The following CCDC178 variants were observed in gnomAD, a reference collection of about 807,000 sequenced individuals.
CCDC178 encodes the protein coiled-coil domain-containing protein 178.
In CCDC178, 126 loss-of-function variants were observed where a neutral mutation model predicts 117.4. That is an observed-to-expected ratio of 1.07 (90% CI 0.93 to 1.24). The LOEUF is 1.24. CCDC178 is among the 50% of genes most tolerant of loss of function. The pLI is 0.00. For missense variants in CCDC178, 1,030 were observed against 986.9 expected (o/e 1.04, Z -0.59); for synonymous variants, 283 against 313.4 (o/e 0.90, Z 1.02).
chr18:33,228,743 C>A (rs1288552687), intron 15 of CCDC178, among the ~76,000 whole-genome samples: 1 of 152,190 alleles, frequency 6.6e-6, no homozygotes, highest in Non-Finnish European at 1.5e-5. Context: ...TTATCACTGG[C>A]TGGGCTGCCA....
chr18:33,309,914 T>C (rs2062312246), intron 11 of CCDC178, among the ~76,000 whole-genome samples: 1 of 151,812 alleles, frequency 6.6e-6, no homozygotes, highest in Admixed American at 6.6e-5. Context: ...ACAAAATGAT[T>C]GTTTTTTTTT....
intron 20 of CCDC178, among the ~76,000 whole-genome samples, chr18:33,165,792 A>T (rs1479302292): frequency 2.6e-5 from 4 of 152,220 alleles, no homozygotes; most frequent in Non-Finnish European, 5.9e-5. Flanking sequence ...GCTTACTTTG[A>T]TGTGCAGCAG....
chr18:33,016,232 G>GA (rs969602773), intron 21 of CCDC178, among the ~76,000 whole-genome samples: 4 of 151,846 alleles, frequency 2.6e-5, no homozygotes, highest in African/African-American at 4.8e-5. Flanking sequence ...ATTAAGTATT[G>GA]AAAAAATACT....
intron 21 of CCDC178, among the ~76,000 whole-genome samples, chr18:33,005,431 T>C (rs866652095): frequency 2.0e-5 from 3 of 151,872 alleles, no homozygotes; most frequent in African/African-American, 7.3e-5. Flanking sequence ...CTCATGGAAA[T>C]AGAGATCAGA....
Position 33,071,070 on chromosome 18 carries a change from T to C in CCDC178, c.2388+21691A>G, listed in dbSNP as rs1425224697. 2.0e-5 allele frequency among the ~76,000 whole-genome samples: 3 copies of C among 152,092 alleles called. No individual in the cohort carries two copies. The East Asian group carries it at 5.8e-4, about 29-fold the overall frequency. ...GAGAAAATAGTATGTGCTCCATCAA[T>C]ATTTGTTTAACTATAGTGAATTATT... On this transcript the variant is annotated intron_variant, in intron 21 of 22. Coordinates refer to ENST00000383096, the MANE Select transcript of CCDC178 (RefSeq NM_001105528.4).
chr18:33,072,450 T>C (rs1188241257), intron 21 of CCDC178, among the ~76,000 whole-genome samples: 1 of 152,124 alleles, frequency 6.6e-6, no homozygotes, highest in Non-Finnish European at 1.5e-5. Context: ...GGCTATCACA[T>C]GCATCATCTC....
intron 11 of CCDC178, among the ~76,000 whole-genome samples, chr18:33,322,624 G>T (rs2062528103): frequency 6.6e-6 from 1 of 151,408 alleles, no homozygotes. Flanking sequence ...AATAACCCAT[G>T]GGTCAAAGAA....
At chr18:33,431,697 T>A (rs2064221973) in intron 2 of CCDC178, among the ~76,000 whole-genome samples, 1 of 152,162 alleles carries the variant, frequency 6.6e-6, no homozygotes, top group South Asian at 2.1e-4. Flanking sequence ...TGCACCCTCC[T>A]CCACCCCAAA....
At chr18:33,089,166 G>A (rs2057425429) in intron 21 of CCDC178, among the ~76,000 whole-genome samples, 1 of 151,950 alleles carries the variant, frequency 6.6e-6, no homozygotes, top group African/African-American at 2.4e-5. Flanking sequence ...ATCTATTTCA[G>A]TTGAGCACTA....
At chr18:32,945,336 T>G (rs2054321737) in intron 22 of CCDC178, among the ~76,000 whole-genome samples, 1 of 152,216 alleles carries the variant, frequency 6.6e-6, no homozygotes, top group Admixed American at 6.5e-5. Flanking sequence ...TCCCCAAGTT[T>G]GAAACTTTAA....
chr18:33,214,674 A>G (rs2059144801), intron 19 of CCDC178, among the ~76,000 whole-genome samples: 1 of 152,090 alleles, frequency 6.6e-6, no homozygotes, highest in Non-Finnish European at 1.5e-5. Context: ...AATATAGTGA[A>G]TATGAGTAGT....
At chr18:33,394,079 G>C (rs1274959247) in intron 4 of CCDC178, among the ~76,000 whole-genome samples, 2 of 151,576 alleles carry the variant, frequency 1.3e-5, no homozygotes, top group Non-Finnish European at 2.9e-5. Context: ...TAGTTTAATT[G>C]GTAGATTTTT....
intron 20 of CCDC178, among the ~76,000 whole-genome samples, chr18:33,101,375 A>G (rs2145101605): frequency 6.6e-6 from 1 of 151,886 alleles, no homozygotes; most frequent in South Asian, 2.1e-4. Context: ...CCTGATTTGA[A>G]CAGTTTAAGA....
intron 17 of CCDC178, among the ~76,000 whole-genome samples, chr18:33,223,848 T>C (rs1345804041): frequency 1.3e-5 from 2 of 152,130 alleles, no homozygotes; most frequent in African/African-American, 4.8e-5. Flanking sequence ...GGTTATACAT[T>C]CTTTGCAGGA....
Position 33,370,091 on chromosome 18 carries a change from T to A in CCDC178, c.307A>T (p.Ile103Phe), listed in dbSNP as rs762560206. ...APCVNKMISH[I>F]QDVESKIQEH... is the part of the protein sequence containing the mutation. ...TGTATTTTGGACTCCACATCTTGGA[T>A]GTGTGAAATCATTTTGTTGACACAA... is the stretch of plus-strand genomic sequence containing the variant. Residue 103 changes from isoleucine (I) to phenylalanine (F), a missense_variant, in exon 6 of 23, where the codon ATC becomes TTC. Physicochemically the swap from Ile to Phe is conservative, Grantham distance 21. Coordinates refer to ENST00000383096, the MANE Select transcript of CCDC178 (RefSeq NM_001105528.4). The A allele has an allele frequency of 5.0e-6, 8 of 1,605,768 alleles. No homozygotes were observed. Among genetic ancestry groups the A allele is most frequent in the South Asian group, 3.3e-5 (3 of 89,718 alleles).
intron 5 of CCDC178, among the ~76,000 whole-genome samples, chr18:33,373,260 G>A (rs1372796509): frequency 6.6e-6 from 1 of 152,154 alleles, no homozygotes; most frequent in African/African-American, 2.4e-5. Flanking sequence ...CTCAGAGTCA[G>A]AAGTGGCTAA....
At chr18:33,170,491 T>C (rs756537552) in intron 20 of CCDC178, among the ~76,000 whole-genome samples, 2 of 152,140 alleles carry the variant, frequency 1.3e-5, no homozygotes, top group Non-Finnish European at 2.9e-5. Context: ...ATTTAAAATA[T>C]GTAACTACAG....
chr18:33,109,784 C>T (rs2057757448), intron 20 of CCDC178, among the ~76,000 whole-genome samples: 1 of 151,378 alleles, frequency 6.6e-6, no homozygotes. Flanking sequence ...TTAATTCATA[C>T]TTTTTATGTG....
chr18:33,311,933 T>C (rs577137327), intron 11 of CCDC178, among the ~76,000 whole-genome samples: 1 of 152,306 alleles, frequency 6.6e-6, no homozygotes, highest in African/African-American at 2.4e-5. Flanking sequence ...AGCACCTTTA[T>C]TGAGCCTCTA....
Sources: allele counts gnomAD v4.1 joint callset (sites outside exome capture counted in the v4.1 genomes callset), GRCh38; gene constraint gnomAD v4.1.1; transcripts MANE v1.5; gene names NCBI Gene and HGNC (gene_info 2026-07-23, HGNC 2026-07-21).